Variants in CHRM5 observed in about 807,000 individuals in gnomAD.
CHRM5 encodes cholinergic receptor muscarinic 5.
Under a neutral mutation model 39.0 loss-of-function variants are expected in CHRM5, and 18 were observed. The observed-to-expected ratio is 0.46, with a 90% confidence interval of 0.32 to 0.68. The LOEUF (loss-of-function observed/expected upper bound fraction) is 0.68. Ranked by LOEUF, CHRM5 falls within the 30% of genes least tolerant of loss-of-function variation. The probability of loss-of-function intolerance (pLI) is 0.04; values close to 1 mark genes in which losing one functional copy is unlikely to be tolerated. For missense variants in CHRM5, 515 were observed against 651.1 expected (o/e 0.79, Z 2.28); for synonymous variants, 241 against 246.3 (o/e 0.98, Z 0.20).
At chr15:34,053,388 A>G (rs1316797090) in intron 2 of CHRM5, among the ~76,000 whole-genome samples, 1 of 149,652 alleles carries the variant, frequency 6.7e-6, no homozygotes, top group Non-Finnish European at 1.5e-5. Flanking sequence ...CGAAGGAAAA[A>G]GAACAAAGCT....
intron 1 of CHRM5, among the ~76,000 whole-genome samples, chr15:34,027,825 CAA>C (rs539182561): frequency 6.5e-5 from 4 of 61,256 alleles, no homozygotes; most frequent in Admixed American, 5.3e-4. Flanking sequence ...AGGTGAGGCT[CAA>C]AAAAAAAAAA....
rs1308370284 is a variant in CHRM5 at position 34,046,739 on chromosome 15, C to G, written c.-208C>G. The G allele has an allele frequency of 6.6e-6, 1 of 152,294 alleles. No homozygotes were observed. The highest frequency in any genetic ancestry group is 1.5e-5 in the Non-Finnish European group (1 of 68,110). 9.4% of individuals were successfully genotyped at this position (152,294 alleles called of 1,614,324 possible). On this transcript the variant is annotated 5_prime_UTR_variant, in exon 2 of 3. It adds an upstream start codon to the 5' untranslated region. Coordinates refer to ENST00000383263, the MANE Select transcript of CHRM5 (RefSeq NM_012125.4). ...AATACAGCGCCTTCAACTGAAATAT[C>G]CAGGTTCTCGCTTTGGGACTAATTG...
intron 1 of CHRM5, chr15:34,039,151 C>A (rs918327755): frequency 6.9e-5 from 67 of 967,358 alleles, no homozygotes; most frequent in Non-Finnish European, 7.6e-5. Context: ...GCGAAAGGCG[C>A]CCGGTAGCAG....
intron 1 of CHRM5, among the ~76,000 whole-genome samples, chr15:34,031,507 C>T (rs1201512452): frequency 6.6e-6 from 1 of 152,154 alleles, no homozygotes; most frequent in Non-Finnish European, 1.5e-5. Context: ...TTTGCTATCC[C>T]TCAATGTAAG....
intron 2 of CHRM5, among the ~76,000 whole-genome samples, chr15:34,059,039 G>C (rs1246509670): frequency 6.6e-6 from 1 of 151,964 alleles, no homozygotes; most frequent in African/African-American, 2.4e-5. Flanking sequence ...TAAGATTACA[G>C]GCACACACCA....
intron 1 of CHRM5, among the ~76,000 whole-genome samples, chr15:33,999,980 C>T (rs944691851): frequency 2.4e-4 from 37 of 152,184 alleles, no homozygotes; most frequent in African/African-American, 8.7e-4. Flanking sequence ...CTGACCCCAT[C>T]GCATATTCGC....
At chr15:34,043,177 G>A (rs1280268768) in intron 1 of CHRM5, among the ~76,000 whole-genome samples, 1 of 150,962 alleles carries the variant, frequency 6.6e-6, no homozygotes, top group Non-Finnish European at 1.5e-5. Flanking sequence ...AACCTGGGAG[G>A]CAGAGCTTGC....
intron 1 of CHRM5, among the ~76,000 whole-genome samples, chr15:33,978,182 G>A (rs908849946): frequency 6.6e-6 from 1 of 152,086 alleles, no homozygotes. Context: ...TTTCTCTCTA[G>A]GCAGAACCAA....
chr15:34,034,890 A>G (rs527937969), intron 1 of CHRM5, among the ~76,000 whole-genome samples: 19 of 152,328 alleles, frequency 1.2e-4, no homozygotes, highest in Non-Finnish European at 2.6e-4. Context: ...CTTTCTGGAA[A>G]AAAAGGAAAA....
chr15:33,979,457 C>A (rs937130170), intron 1 of CHRM5, among the ~76,000 whole-genome samples: 1 of 152,148 alleles, frequency 6.6e-6, no homozygotes, highest in Admixed American at 6.6e-5. Flanking sequence ...TGCACTCCAG[C>A]CTGGGCAACA....
At chr15:33,980,417 T>C (rs1036825219) in intron 1 of CHRM5, among the ~76,000 whole-genome samples, 3 of 152,224 alleles carry the variant, frequency 2.0e-5, no homozygotes, top group African/African-American at 2.4e-5. Flanking sequence ...AAGGCTGTTA[T>C]AGTACCGTCC....
intron 1 of CHRM5, among the ~76,000 whole-genome samples, chr15:33,973,763 C>A (rs1309187870): frequency 6.6e-6 from 1 of 152,076 alleles, no homozygotes; most frequent in Non-Finnish European, 1.5e-5. Context: ...TGGTTGAGGG[C>A]CTTAAGAGTA....
chr15:34,027,033 A>T (rs1053734813), intron 1 of CHRM5, among the ~76,000 whole-genome samples: 1 of 152,132 alleles, frequency 6.6e-6, no homozygotes, highest in African/African-American at 2.4e-5. Flanking sequence ...AATGATAAAG[A>T]CCTCTGCAAA....
intron 1 of CHRM5, among the ~76,000 whole-genome samples, chr15:34,006,726 C>A (rs1191443794): frequency 6.6e-6 from 1 of 152,264 alleles, no homozygotes; most frequent in African/African-American, 2.4e-5. Flanking sequence ...GATCTCATTA[C>A]CCCTACACAA....
chr15:34,021,934 A>G (rs1180240365), intron 1 of CHRM5, among the ~76,000 whole-genome samples: 1 of 152,252 alleles, frequency 6.6e-6, no homozygotes, highest in East Asian at 1.9e-4. Context: ...GAGCACCCAC[A>G]GCACTTGTGC....
chr15:33,978,881 G>A (rs749641338), intron 1 of CHRM5, among the ~76,000 whole-genome samples: 3 of 151,924 alleles, frequency 2.0e-5, no homozygotes, highest in South Asian at 2.1e-4. Flanking sequence ...AGTCTAACAA[G>A]AACAAACATG....
chr15:34,045,730 A>C (rs1314973890), intron 1 of CHRM5, among the ~76,000 whole-genome samples: 1 of 22,958 alleles, frequency 4.4e-5, no homozygotes, highest in Non-Finnish European at 1.1e-4. Context: ...CAGAAAACGA[A>C]GGCCTAACCT....
chr15:34,002,646 G>GA (rs931585594), intron 1 of CHRM5, among the ~76,000 whole-genome samples: 1 of 151,292 alleles, frequency 6.6e-6, no homozygotes, highest in Non-Finnish European at 1.5e-5. Context: ...TTAAAAAAAG[G>GA]AAAAAAAAGA....
intron 2 of CHRM5, among the ~76,000 whole-genome samples, chr15:34,061,566 CT>C (rs962545789): frequency 6.6e-6 from 1 of 152,092 alleles, no homozygotes; most frequent in Non-Finnish European, 1.5e-5. Flanking sequence ...AAAATATACA[CT>C]AAACTGTTAG....
Sources: gnomAD v4.1 joint callset for allele counts (sites outside exome capture counted in the v4.1 genomes callset) on GRCh38, gnomAD v4.1.1 for gene constraint, MANE v1.5 for transcripts, NCBI Gene and HGNC (gene_info 2026-07-23, HGNC 2026-07-21) for gene names.